The following SH3PXD2A variants were observed in gnomAD, a reference collection of about 807,000 sequenced individuals.
SH3PXD2A encodes SH3 and PX domain-containing protein 2A.
SH3PXD2A carries 32 observed loss-of-function variants against 115.2 expected under a neutral mutation model. That is an observed-to-expected ratio of 0.28 (90% CI 0.21 to 0.37). SH3PXD2A has a LOEUF of 0.37. Ranked by LOEUF, SH3PXD2A falls within the 10% of genes least tolerant of loss-of-function variation. The pLI, the probability that SH3PXD2A is intolerant of heterozygous loss-of-function variation, is 1.00. For missense variants in SH3PXD2A, 1,328 were observed against 1,498.7 expected (o/e 0.89, Z 1.88); for synonymous variants, 610 against 629.1 (o/e 0.97, Z 0.45).
chr10:103,844,670 G>A (rs1842823029), intron 1 of SH3PXD2A, among the ~76,000 whole-genome samples: 2 of 152,114 alleles, frequency 1.3e-5, no homozygotes, highest in Non-Finnish European at 2.9e-5. Flanking sequence ...CGCAGGCTGG[G>A]GAAGGGGAGG....
At chr10:103,615,134 G>A (rs184743876) in intron 11 of SH3PXD2A, among the ~76,000 whole-genome samples, 34 of 152,342 alleles carry the variant, frequency 2.2e-4, no homozygotes, top group Middle Eastern at 3.4e-3. Context: ...CACACAGTGA[G>A]CGCTTAGCAG....
At chr10:103,717,515 A>T (rs2038119434) in intron 5 of SH3PXD2A, among the ~76,000 whole-genome samples, 2 of 152,166 alleles carry the variant, frequency 1.3e-5, no homozygotes, top group African/African-American at 4.8e-5. Flanking sequence ...GCTGGCGACA[A>T]GCTAAGAAAA....
chr10:103,656,601 G>A (rs1426400830), intron 8 of SH3PXD2A, among the ~76,000 whole-genome samples: 3 of 152,110 alleles, frequency 2.0e-5, no homozygotes, highest in Admixed American at 6.6e-5. Context: ...AGGCCGAGGC[G>A]GGTGGATCAC....
intron 2 of SH3PXD2A, among the ~76,000 whole-genome samples, chr10:103,791,854 G>A (rs1231738660): frequency 1.3e-5 from 2 of 152,084 alleles, no homozygotes; most frequent in Non-Finnish European, 2.9e-5. Context: ...CCGGACCCAG[G>A]TAACCCCAGG....
In SH3PXD2A at chr10:103,733,287, T is replaced by A. The variant is rs555397009; in HGVS notation, c.306+2445A>T. ...ATCAGGAGTCCTGTTCAAAGCCTGA[T>A]CCCAGGAGATAAGATGCTATCACTT... On this transcript the variant is annotated intron_variant, in intron 4 of 14. Transcript: ENST00000369774. Among the ~76,000 whole-genome samples the A allele has an allele frequency of 4.6e-5, 7 of 152,202 alleles. No individual in the cohort carries two copies. In the South Asian group the frequency reaches 1.2e-3, roughly 27 times the overall value.
intron 5 of SH3PXD2A, among the ~76,000 whole-genome samples, chr10:103,698,348 C>G (rs1466720809): frequency 6.6e-6 from 1 of 152,244 alleles, no homozygotes; most frequent in African/African-American, 2.4e-5. Flanking sequence ...CTCCCACTGG[C>G]AAGTGCCTTG....
chr10:103,616,029 C>T (rs905303402), intron 11 of SH3PXD2A, among the ~76,000 whole-genome samples: 146 of 896 alleles, frequency 0.16, 1 homozygote, highest in Non-Finnish European at 0.22. Context: ...CGGGGTGGGG[C>T]GGGGTGGGGG....
chr10:103,742,965 AC>A (rs1407240396), intron 3 of SH3PXD2A, among the ~76,000 whole-genome samples: 7 of 152,152 alleles, frequency 4.6e-5, no homozygotes, highest in African/African-American at 1.4e-4. Context: ...CTCAAGGGTG[AC>A]ACGCATGCTC....
chr10:103,660,411 G>A (rs2037276828), intron 8 of SH3PXD2A, among the ~76,000 whole-genome samples: 1 of 152,196 alleles, frequency 6.6e-6, no homozygotes, highest in African/African-American at 2.4e-5. Context: ...GCCCAGGCCT[G>A]GCTGCATCCC....
At chr10:103,702,990 G>A (rs920743199) in intron 5 of SH3PXD2A, among the ~76,000 whole-genome samples, 26 of 152,202 alleles carry the variant, frequency 1.7e-4, no homozygotes, top group Admixed American at 1.1e-3. Context: ...CCACTGCAGA[G>A]CACAGACCTC....
chr10:103,633,233 C>T (rs12258364), intron 8 of SH3PXD2A, among the ~76,000 whole-genome samples: 37,199 of 151,518 alleles, frequency 0.25, 5,500 homozygotes, highest in African/African-American at 0.41. Flanking sequence ...CTGGCCAACA[C>T]AGTGAAACCC....
At chr10:103,832,897 G>GA (rs80183061) in intron 1 of SH3PXD2A, among the ~76,000 whole-genome samples, 26,448 of 150,434 alleles carry the variant, frequency 0.18, 3,128 homozygotes, top group East Asian at 0.45. Flanking sequence ...ATAATAAAAA[G>GA]AAAAAAAAAT....
rs527577181 is a variant in SH3PXD2A, at chr10:103,838,371, G to A, written c.72+16824C>T. Among the ~76,000 whole-genome samples, 25 of 152,282 alleles carry A rather than the reference G, an allele frequency of 1.6e-4. No homozygotes were observed. The East Asian group carries it at 4.8e-3, about 29-fold the overall frequency. ...ATTTAATCCTCCTAACGACCCTATG[G>A]GGAAGGTACTATTATCCTCATATTA... is the stretch of plus-strand genomic sequence containing the variant. On this transcript the variant is annotated intron_variant, in intron 1 of 14. Coordinates refer to ENST00000369774, the MANE Select transcript of SH3PXD2A (RefSeq NM_001394015.1).
At position 103,767,146 on chromosome 10, in the gene SH3PXD2A, G is replaced by T; in HGVS notation, c.177C>A (p.Pro59=). Residue 59 remains proline (P), a synonymous_variant, in exon 3 of 15, where the codon CCC becomes CCA. Transcript: ENST00000369774. Reference sequence around the variant, plus strand: ...TGGGGTCCTTCTGGCCACCTTCAATGGGAAACTTATCCAAAAGCTGCATCT... The same window carrying T: ...TGGGGTCCTTCTGGCCACCTTCAATTGGAAACTTATCCAAAAGCTGCATCT... ...DLQMQLLDKF[P]IEGGQKDPKQ... 6.2e-7 allele frequency: 1 copy of T among 1,613,980 alleles called. No homozygotes were observed. The highest frequency in any genetic ancestry group is 1.1e-5 in the South Asian group (1 of 91,048).
Position 103,603,626 on chromosome 10 carries a change from G to C in SH3PXD2A, c.1592C>G (p.Pro531Arg). 2 of 1,604,704 alleles carry C rather than the reference G, an allele frequency of 1.2e-6. No homozygotes were observed. Among genetic ancestry groups the C allele is most frequent in the Non-Finnish European group, 1.7e-6 (2 of 1,175,682 alleles). Reference sequence around the variant, plus strand: ...CGTAGGGCCCTCCTCGGCCTCCTTGGGCTTGCTGGGGGGTGCTGGCGGGGG... The same window carrying C: ...CGTAGGGCCCTCCTCGGCCTCCTTGCGCTTGCTGGGGGGTGCTGGCGGGGG... ...KVPPPAPPSK[P>R]KEAEEGPTGA... The change falls in exon 15 of 15, where the codon CCC becomes CGC. Residue 531 changes from proline to arginine, a missense_variant. By Grantham distance (103) the Pro-to-Arg change is moderately radical. This residue lies in a region of SH3PXD2A where 509 missense variants were observed against 628.3 expected (regional missense o/e 0.81). Transcript: ENST00000369774.
At chr10:103,767,432 C>G (rs1347413278) in intron 2 of SH3PXD2A, among the ~76,000 whole-genome samples, 1 of 152,156 alleles carries the variant, frequency 6.6e-6, no homozygotes, top group African/African-American at 2.4e-5. Context: ...GGAGATGACC[C>G]CGAGCAAGGC....
At chr10:103,819,675 C>T (rs2039358020) in intron 1 of SH3PXD2A, among the ~76,000 whole-genome samples, 1 of 151,978 alleles carries the variant, frequency 6.6e-6, no homozygotes, top group Non-Finnish European at 1.5e-5. Flanking sequence ...GAGGCGAGAA[C>T]AGGTGTCGGG....
Position 103,762,014 on chromosome 10 carries a change from C to CTT in SH3PXD2A, c.229+5078_229+5079dup, listed in dbSNP as rs79615908. 3.2e-3 allele frequency among the ~76,000 whole-genome samples: 289 copies of CTT among 90,660 alleles called. 26 individuals carry two copies. The highest frequency in any genetic ancestry group is 0.01 in the African/African-American group (254 of 24,364). 59.5% of individuals were successfully genotyped at this position (90,660 alleles called of 152,430 possible). ...CACACACTAGGAGCAATCAACACGT[C>CTT]TTTTTTTTTTTTTTTTTTTTTTTTT... is the stretch of plus-strand genomic sequence containing the variant. On this transcript the variant is annotated intron_variant, in intron 3 of 14. Transcript: ENST00000369774.
At chr10:103,693,253 C>A (rs2037783076) in intron 5 of SH3PXD2A, 197 bp from the exon 6 acceptor site, 2 of 147,664 alleles carry the variant, frequency 1.4e-5, no homozygotes, top group East Asian at 2.0e-4. Context: ...GCCCGCGGGC[C>A]CCCTGCCAGC....
Sources: gnomAD v4.1 joint callset for allele counts (sites outside exome capture counted in the v4.1 genomes callset) on GRCh38, gnomAD v4.1.1 for gene constraint, gnomAD v4.1.1 regional missense constraint, MANE v1.5 for transcripts, NCBI Gene and HGNC (gene_info 2026-07-23, HGNC 2026-07-21) for gene names.